LRRC7: variants seen among roughly 807,000 people sequenced by gnomAD.
LRRC7 encodes leucine rich repeat containing 7.
LRRC7 carries 23 observed loss-of-function variants against 175.7 expected under a neutral mutation model. That is an observed-to-expected ratio of 0.13 (90% CI 0.09 to 0.19). LRRC7 has a LOEUF of 0.19. Ranked by LOEUF, LRRC7 falls within the 10% of genes least tolerant of loss-of-function variation. The pLI, the probability that LRRC7 is intolerant of heterozygous loss-of-function variation, is 1.00. For missense variants in LRRC7, 1,354 were observed against 1,904.7 expected (o/e 0.71, Z 5.38); for synonymous variants, 685 against 680.9 (o/e 1.01, Z -0.09).
chr1:69,853,739 C>T (rs1405640177), intron 7 of LRRC7, among the ~76,000 whole-genome samples: 1 of 152,146 alleles, frequency 6.6e-6, no homozygotes, highest in African/African-American at 2.4e-5. Context: ...AATATGAACT[C>T]AGCTGATTTA....
chr1:69,945,865 T>C (rs933534307), intron 8 of LRRC7, among the ~76,000 whole-genome samples: 2 of 152,186 alleles, frequency 1.3e-5, no homozygotes, highest in African/African-American at 4.8e-5. Context: ...ATTTGTTTAT[T>C]AGTTCTAATT....
In LRRC7 at chr1:69,689,344, AC is replaced by A. The variant is rs544347799; in HGVS notation, c.100+10867del. ...AAGCTGAGATATAAACCTAAGTTTA[AC>A]TCTAAAAGCTATCTTAGTCCTACTG... is the stretch of plus-strand genomic sequence containing the variant. On this transcript the variant is annotated intron_variant, in intron 2 of 26. Coordinates refer to ENST00000651989, the MANE Select transcript of LRRC7 (RefSeq NM_001370785.2). Among the ~76,000 whole-genome samples the A allele has an allele frequency of 4.6e-5, 7 of 152,208 alleles. No homozygotes were observed. In the East Asian group the frequency reaches 1.4e-3, roughly 29 times the overall value.
rs985655517 is a variant in LRRC7 at position 69,940,254 on chromosome 1, T to C, written c.711+8684T>C. Reference sequence around the variant, plus strand: ...AATAAGCAGACTCCACTGTCATACATTGAAGTAAAGGAACTCCTTTTCTTG... The same window carrying C: ...AATAAGCAGACTCCACTGTCATACACTGAAGTAAAGGAACTCCTTTTCTTG... On this transcript the variant is annotated intron_variant, in intron 8 of 26. Coordinates refer to ENST00000651989, the MANE Select transcript of LRRC7 (RefSeq NM_001370785.2). Among the ~76,000 whole-genome samples, 17 of 152,242 alleles carry C rather than the reference T, an allele frequency of 1.1e-4. 1 individual carries two copies. Among genetic ancestry groups the C allele is most frequent in the Admixed American group, 4.6e-4 (7 of 15,274 alleles).
intron 7 of LRRC7, among the ~76,000 whole-genome samples, chr1:69,878,475 C>T (rs1265030770): frequency 6.6e-6 from 1 of 152,086 alleles, no homozygotes; most frequent in Non-Finnish European, 1.5e-5. Context: ...TTTAAGAATG[C>T]TTGTTCAGAT....
chr1:69,595,383 G>A (rs61782214), intron 1 of LRRC7, among the ~76,000 whole-genome samples: 16,060 of 152,148 alleles, frequency 0.11, 1,003 homozygotes, highest in Admixed American at 0.15. Flanking sequence ...TCGTGCCATT[G>A]CACTCCAGCC....
At chr1:69,722,425 T>C (rs1396246539) in intron 2 of LRRC7, among the ~76,000 whole-genome samples, 2 of 152,044 alleles carry the variant, frequency 1.3e-5, no homozygotes, top group African/African-American at 2.4e-5. Flanking sequence ...CTATGTACAA[T>C]GGTATGCCTT....
At chr1:69,941,448 G>A (rs1282670471) in intron 8 of LRRC7, among the ~76,000 whole-genome samples, 1 of 152,000 alleles carries the variant, frequency 6.6e-6, no homozygotes, top group African/African-American at 2.4e-5. Flanking sequence ...GAAAGTTATT[G>A]CAGTAATCTA....
chr1:69,606,925 G>T (rs1647681551), intron 1 of LRRC7: 1 of 152,070 alleles, frequency 6.6e-6, no homozygotes, highest in South Asian at 2.1e-4. Flanking sequence ...GTGACTTTGG[G>T]TTCCTTATAG....
At chr1:69,574,806 T>C (rs1469380663) in intron 1 of LRRC7, among the ~76,000 whole-genome samples, 3 of 152,136 alleles carry the variant, frequency 2.0e-5, no homozygotes, top group African/African-American at 7.2e-5. Context: ...ATAGTTACTA[T>C]CCGGTGTTCT....
intron 2 of LRRC7, among the ~76,000 whole-genome samples, chr1:69,721,000 A>G (rs1666283441): frequency 6.6e-6 from 1 of 151,800 alleles, no homozygotes; most frequent in African/African-American, 2.4e-5. Context: ...GTCAACTAGT[A>G]CAGACTAATG....
At chr1:70,093,019 T>C (rs1327849633) in intron 25 of LRRC7, among the ~76,000 whole-genome samples, 2 of 152,092 alleles carry the variant, frequency 1.3e-5, no homozygotes, top group Non-Finnish European at 2.9e-5. Context: ...CACCAGTTCA[T>C]TCACCATAGA....
chr1:69,599,468 T>C (rs12385700), intron 1 of LRRC7, among the ~76,000 whole-genome samples: 6,667 of 152,332 alleles, frequency 0.044, 467 homozygotes, highest in African/African-American at 0.15. Flanking sequence ...CTAAGCCATT[T>C]TGTAAGCTAT....
At chr1:70,072,866 C>G (rs1397054752) in intron 23 of LRRC7, among the ~76,000 whole-genome samples, 1 of 152,100 alleles carries the variant, frequency 6.6e-6, no homozygotes, top group Non-Finnish European at 1.5e-5. Flanking sequence ...ATAATATATC[C>G]CCTCTCAACA....
chr1:69,926,833 A>C (rs944225981), intron 7 of LRRC7, among the ~76,000 whole-genome samples: 1 of 152,140 alleles, frequency 6.6e-6, no homozygotes, highest in Admixed American at 6.5e-5. Flanking sequence ...GTTATGTGTG[A>C]ATTTGATCCT....
chr1:69,666,955 C>G (rs1387645780), intron 1 of LRRC7, among the ~76,000 whole-genome samples: 1 of 151,954 alleles, frequency 6.6e-6, no homozygotes, highest in Non-Finnish European at 1.5e-5. Flanking sequence ...CTATAAACTT[C>G]CTTCTTGGTA....
intron 2 of LRRC7, among the ~76,000 whole-genome samples, chr1:69,751,819 A>C (rs1165841506): frequency 6.6e-6 from 1 of 152,156 alleles, no homozygotes; most frequent in African/African-American, 2.4e-5. Flanking sequence ...AGAACTTAAA[A>C]TATGTAATAA....
At chr1:69,606,698 G>T (rs1347734284) in intron 1 of LRRC7, among the ~76,000 whole-genome samples, 2 of 152,088 alleles carry the variant, frequency 1.3e-5, no homozygotes, top group Non-Finnish European at 2.9e-5. Context: ...GAGCTGTAGA[G>T]TCCATGGCAG....
At chr1:69,617,107 G>A (rs17130991) in intron 1 of LRRC7, among the ~76,000 whole-genome samples, 3,685 of 152,072 alleles carry the variant, frequency 0.024, 126 homozygotes, top group African/African-American at 0.084. Flanking sequence ...TTTCTAATCC[G>A]TAACATGGCT....
At chr1:69,789,850 G>A (rs1257019091) in intron 3 of LRRC7, among the ~76,000 whole-genome samples, 9 of 152,026 alleles carry the variant, frequency 5.9e-5, no homozygotes, top group Non-Finnish European at 1.2e-4. Flanking sequence ...TTATATAGGT[G>A]TGCCTCTGTA....
Sources: gnomAD v4.1 joint callset for allele counts (sites outside exome capture counted in the v4.1 genomes callset) on GRCh38, gnomAD v4.1.1 for gene constraint, MANE v1.5 for transcripts, NCBI Gene and HGNC (gene_info 2026-07-23, HGNC 2026-07-21) for gene names.